RBM26: variants seen among roughly 807,000 people sequenced by gnomAD.
The protein encoded by RBM26 is RNA binding motif protein 26.
A neutral mutation model predicts 123.6 loss-of-function variants in RBM26; 30 were observed. That is an observed-to-expected ratio of 0.24 (90% CI 0.18 to 0.33). RBM26 has a LOEUF of 0.33. Ranked by LOEUF, RBM26 falls within the 10% of genes least tolerant of loss-of-function variation. The pLI is 1.00. For missense variants in RBM26, 947 were observed against 1,203.6 expected, an observed-to-expected ratio of 0.79 and a Z score of 3.15; for synonymous variants, 400 against 404.4, an observed-to-expected ratio of 0.99 and a Z score of 0.13.
At chr13:79,345,122 T>C (rs764018481) in intron 14 of RBM26, among the ~76,000 whole-genome samples, 1 of 152,184 alleles carries the variant, frequency 6.6e-6, no homozygotes. Context: ...CTAATATTTG[T>C]AGTGACTAAA....
chr13:79,376,579 G>A (rs1330015264), intron 3 of RBM26: 1 of 152,132 alleles, frequency 6.6e-6, no homozygotes, highest in Admixed American at 6.5e-5. Context: ...GAAGAGAGAA[G>A]GTTGTAAAAT....
intron 19 of RBM26, 85 bp downstream of exon 19, chr13:79,337,017 C>G: frequency 5.5e-6 from 7 of 1,264,260 alleles, no homozygotes; most frequent in Non-Finnish European, 7.9e-6. Flanking sequence ...TTACTTATGT[C>G]CTTTTCATAA....
chr13:79,355,071 A>G, intron 12 of RBM26, 149 bp downstream of exon 12: 1 of 679,236 alleles, frequency 1.5e-6, no homozygotes, highest in Non-Finnish European at 2.5e-6. Flanking sequence ...AGGTTGAGTA[A>G]ATTTTTCAAG....
chr13:79,354,852 C>T (rs1489982010), intron 12 of RBM26, among the ~76,000 whole-genome samples: 2 of 152,142 alleles, frequency 1.3e-5, no homozygotes, highest in South Asian at 4.1e-4. Flanking sequence ...TCTAACATTA[C>T]ACACCGATGG....
chr13:79,397,466 G>C (rs2078673112), intron 1 of RBM26, among the ~76,000 whole-genome samples: 2 of 151,760 alleles, frequency 1.3e-5, no homozygotes, highest in African/African-American at 4.8e-5. Flanking sequence ...ATGAGGTCAG[G>C]AGATCGAGAC....
chr13:79,368,176 C>T (rs1272150282), intron 6 of RBM26, among the ~76,000 whole-genome samples: 1 of 152,110 alleles, frequency 6.6e-6, no homozygotes, highest in Admixed American at 6.5e-5. Context: ...AGGCGCCAGC[C>T]ACCACGCCCA....
At chr13:79,402,182 G>A (rs2079107597) in intron 1 of RBM26, among the ~76,000 whole-genome samples, 1 of 151,612 alleles carries the variant, frequency 6.6e-6, no homozygotes, top group African/African-American at 2.4e-5. Context: ...CGAAATGTTA[G>A]AAAAAAGACT....
chr13:79,315,033 A>T (rs1007694915), downstream of RBM26: 44 of 1,203,532 alleles, frequency 3.7e-5, no homozygotes, highest in Non-Finnish European at 4.1e-5. Context: ...CTTTGAAAAT[A>T]GCAAATAAAT....
intron 9 of RBM26, among the ~76,000 whole-genome samples, chr13:79,364,228 G>C (rs1332333431): frequency 6.6e-6 from 1 of 152,080 alleles, no homozygotes; most frequent in African/African-American, 2.4e-5. Context: ...ATCTAAAAGA[G>C]GATATAAATC....
Position 79,344,704 on chromosome 13 carries a change from C to T in RBM26, c.2149G>A (p.Ala717Thr). The T allele has an allele frequency of 3.7e-6, 6 of 1,612,874 alleles. No homozygotes were observed. Among genetic ancestry groups the T allele is most frequent in the African/African-American group, 1.3e-5 (1 of 74,890 alleles). The stretch of plus-strand genomic sequence containing the variant: ...TTCTGTGCTTCATTATTATCAACTG[C>T]AGAGGTGGAAACAAGTAAGGTTTTC... ...AQKTLLVSTS[A>T]VDNNEAQKKK... Residue 717 changes from alanine to threonine, a missense_variant, in exon 15 of 22, where the codon GCA becomes ACA. Coordinates refer to ENST00000438737, the MANE Select transcript of RBM26 (RefSeq NM_001366735.2).
At position 79,392,052 on chromosome 13, in the gene RBM26, TTA is replaced by T. The variant is rs1420482883; in HGVS notation, c.72-13147_72-13146del. Among the ~76,000 whole-genome samples the T allele has an allele frequency of 4.3e-5, 6 of 138,876 alleles. No individual in the cohort carries two copies. In the South Asian group the frequency reaches 1.3e-3, roughly 30 times the overall value. 91.1% of individuals were successfully genotyped at this position (138,876 alleles called of 152,430 possible). On this transcript the variant is annotated intron_variant, in intron 1 of 21. Transcript: ENST00000438737. Reference sequence around the variant, plus strand: ...TAATTATATATTATACAATACATTATTATATAATTATGTATTATACAATAATA... The same window carrying T: ...TAATTATATATTATACAATACATTATTATAATTATGTATTATACAATAATA...
chr13:79,367,086 T>C (rs182399211), intron 6 of RBM26, among the ~76,000 whole-genome samples: 1 of 152,182 alleles, frequency 6.6e-6, no homozygotes, highest in East Asian at 1.9e-4. Context: ...AGTTAGGATG[T>C]TTATCCTCTC....
intron 1 of RBM26, among the ~76,000 whole-genome samples, chr13:79,384,019 CAT>C (rs2077278523): frequency 1.3e-5 from 2 of 152,122 alleles, no homozygotes; most frequent in South Asian, 2.1e-4. Flanking sequence ...CTTCTTGACA[CAT>C]ATGAGGGACA....
At chr13:79,355,955 A>G (rs756807317) in intron 11 of RBM26, among the ~76,000 whole-genome samples, 5 of 152,244 alleles carry the variant, frequency 3.3e-5, no homozygotes, top group East Asian at 1.9e-4. Flanking sequence ...CTTACAGCTA[A>G]TAAGTAATAA....
chr13:79,386,590 TTAA>T (rs2077506579), intron 1 of RBM26, among the ~76,000 whole-genome samples: 4 of 22,084 alleles, frequency 1.8e-4, no homozygotes, highest in Non-Finnish European at 4.9e-4. Flanking sequence ...AACTCTCTCT[TTAA>T]AAAAAAAAAA....
intron 13 of RBM26, among the ~76,000 whole-genome samples, chr13:79,354,183 G>C (rs950616234): frequency 3.2e-4 from 49 of 151,640 alleles, no homozygotes; most frequent in African/African-American, 1.2e-3. Flanking sequence ...AAGTGAGAGA[G>C]AAATCTTTCT....
chr13:79,359,777 G>T (rs2074447279), intron 9 of RBM26, 91 bp from the exon 10 acceptor site: 1 of 411,486 alleles, frequency 2.4e-6, no homozygotes, highest in East Asian at 4.9e-5. Flanking sequence ...GAAAATTTCT[G>T]GCTTTTGTCT....
chr13:79,349,459 C>A (rs1295719408), intron 14 of RBM26, among the ~76,000 whole-genome samples: 1 of 151,982 alleles, frequency 6.6e-6, no homozygotes, highest in Admixed American at 6.6e-5. Context: ...GATTAAAAAA[C>A]TTGCAGAGAA....
intron 1 of RBM26, among the ~76,000 whole-genome samples, chr13:79,398,866 T>C (rs2078820485): frequency 6.6e-6 from 1 of 152,200 alleles, no homozygotes; most frequent in Non-Finnish European, 1.5e-5. Context: ...TTATTGCCTC[T>C]TCCCTTGGTT....
Sources: allele counts gnomAD v4.1 joint callset (sites outside exome capture counted in the v4.1 genomes callset), GRCh38; gene constraint gnomAD v4.1.1; transcripts MANE v1.5; gene names NCBI Gene and HGNC (gene_info 2026-07-23, HGNC 2026-07-21).